The following MAL variants were observed in gnomAD, a reference collection of about 807,000 sequenced individuals.
MAL encodes mal, T cell differentiation protein (MAL blood group), also known as myelin and lymphocyte protein.
Under a neutral mutation model 16.7 loss-of-function variants are expected in MAL, and 5 were observed. The observed-to-expected ratio is 0.30, with a 90% CI of 0.16 to 0.63. MAL has a LOEUF of 0.63. Among genes scored for constraint, MAL ranks in the 30% least tolerant of loss-of-function variants. MAL has a pLI of 0.82. For synonymous variants in MAL, 96 were observed against 85.5 expected (o/e 1.12, Z -0.67); for missense variants, 202 against 195.8 (o/e 1.03, Z -0.19).
At chr2:95,052,520 G>A (rs146723187) in intron 3 of MAL, among the ~76,000 whole-genome samples, 2 of 152,346 alleles carry the variant, frequency 1.3e-5, no homozygotes, top group Non-Finnish European at 2.9e-5. Context: ...CACCCTGAGG[G>A]CTGGGATTGA....
rs576416734 is a variant in MAL, at chr2:95,051,363, A to G, written c.387+1657A>G. The G allele has an allele frequency of 5.9e-5, 9 of 152,374 alleles. No individual in the cohort carries two copies. In the East Asian group the frequency reaches 1.7e-3, roughly 29 times the overall value. The allele number at this position is 152,374 out of a possible 1,614,324, so 9.4% of individuals were successfully genotyped here. A position where few individuals can be genotyped will look rare whatever the true frequency, so the allele number is the denominator to read the frequency against. ...GAGCAAACTCCCCAGTGTAGTTGGCATCTGGACTAAGAATTAGGGCCTGAT... is the reference window on the plus strand; with the variant it reads ...GAGCAAACTCCCCAGTGTAGTTGGCGTCTGGACTAAGAATTAGGGCCTGAT... On this transcript the variant is annotated intron_variant, in intron 3 of 3. Coordinates refer to ENST00000309988, the MANE Select transcript of MAL (RefSeq NM_002371.4).
At chr2:95,048,319 C>T (rs1356915583) in intron 2 of MAL, among the ~76,000 whole-genome samples, 193 bp downstream of exon 2, 5 of 152,128 alleles carry the variant, frequency 3.3e-5, no homozygotes, top group African/African-American at 9.7e-5. Context: ...GCAAGGTCGC[C>T]GCTGCCAACC....
At chr2:95,041,324 C>A (rs1284828301) in intron 1 of MAL, among the ~76,000 whole-genome samples, 1 of 152,180 alleles carries the variant, frequency 6.6e-6, no homozygotes, top group Non-Finnish European at 1.5e-5. Context: ...GGGTCAGGCA[C>A]ATTTTTCTCA....
intron 1 of MAL, among the ~76,000 whole-genome samples, chr2:95,036,473 A>G (rs1674208994): frequency 6.6e-6 from 1 of 152,220 alleles, no homozygotes; most frequent in Non-Finnish European, 1.5e-5. Flanking sequence ...GGACTGTGGC[A>G]AGACTGCATG....
intron 1 of MAL, among the ~76,000 whole-genome samples, chr2:95,032,175 T>G (rs1341295555): frequency 6.6e-6 from 1 of 152,258 alleles, no homozygotes; most frequent in Non-Finnish European, 1.5e-5. Flanking sequence ...CCAGCAGCGC[T>G]CACACTCAGG....
chr2:95,037,928 GTGAGTGAGTGAGTAAC>G (rs1179564216), intron 1 of MAL, among the ~76,000 whole-genome samples: 3 of 149,486 alleles, frequency 2.0e-5, no homozygotes, highest in African/African-American at 4.9e-5. Context: ...GAGTGACTGA[GTGAGTGAGTGAGTAAC>G]TGAGTGAGTG....
intron 1 of MAL, among the ~76,000 whole-genome samples, chr2:95,028,873 A>G (rs1466615405): frequency 1.3e-5 from 2 of 152,208 alleles, no homozygotes; most frequent in Non-Finnish European, 2.9e-5. Flanking sequence ...ACAGAACACA[A>G]ACCCTGGTGG....
intron 1 of MAL, among the ~76,000 whole-genome samples, chr2:95,029,899 T>C (rs1674034508): frequency 6.6e-6 from 1 of 152,226 alleles, no homozygotes; most frequent in African/African-American, 2.4e-5. Flanking sequence ...TCCTCATCAC[T>C]TGGTAGCGTC....
chr2:95,039,188 G>T (rs1420132977), intron 1 of MAL, among the ~76,000 whole-genome samples: 1 of 144,586 alleles, frequency 6.9e-6, no homozygotes, highest in Admixed American at 6.8e-5. Context: ...TGGTGAGTGA[G>T]TGAGTGACTG....
chr2:95,051,550 C>T (rs1264308102), intron 3 of MAL: 1 of 152,218 alleles, frequency 6.6e-6, no homozygotes, highest in African/African-American at 2.4e-5. Context: ...TTTCTCTCAC[C>T]CTTGTGTTTG....
chr2:95,045,443 CTT>C (rs1674564674), intron 1 of MAL, among the ~76,000 whole-genome samples: 1 of 152,216 alleles, frequency 6.6e-6, no homozygotes, highest in African/African-American at 2.4e-5. Flanking sequence ...CTGGATGGGT[CTT>C]CTCCTGGTCC....
intron 1 of MAL, among the ~76,000 whole-genome samples, chr2:95,027,740 C>T (rs1673977743): frequency 6.6e-6 from 1 of 152,226 alleles, no homozygotes; most frequent in South Asian, 2.1e-4. Context: ...GAGACGGAGT[C>T]TCGCTCTGTC....
intron 3 of MAL, 33 bp downstream of exon 3, chr2:95,049,739 C>T (rs754426713): frequency 2.5e-5 from 40 of 1,612,118 alleles, no homozygotes; most frequent in African/African-American, 2.3e-4. Context: ...GTGTCCACAG[C>T]GGGCGGCTCC....
chr2:95,026,518 T>A (rs938335632), intron 1 of MAL: 1 of 11,932 alleles, frequency 8.4e-5, no homozygotes, highest in Admixed American at 1.0e-3. Context: ...GGGTGGGGGG[T>A]GGGGGGTGGC....
At chr2:95,034,521 C>T (rs1356100482) in intron 1 of MAL, among the ~76,000 whole-genome samples, 1 of 152,158 alleles carries the variant, frequency 6.6e-6, no homozygotes, top group African/African-American at 2.4e-5. Flanking sequence ...CTTTCAAAAG[C>T]GATTTGTCAT....
intron 2 of MAL, 118 bp from the exon 3 acceptor site, chr2:95,049,463 G>A (rs1674664018): frequency 7.6e-7 from 1 of 1,321,138 alleles, no homozygotes; most frequent in Non-Finnish European, 1.1e-6. Flanking sequence ...GGTTGGGAGG[G>A]GTGGGATTCA....
chr2:95,033,760 A>G (rs1674141857), intron 1 of MAL, among the ~76,000 whole-genome samples: 1 of 152,118 alleles, frequency 6.6e-6, no homozygotes. Flanking sequence ...TGTGGGTGAC[A>G]GAGTGAGAAC....
At chr2:95,052,629 G>A (rs1197277157) in intron 3 of MAL, among the ~76,000 whole-genome samples, 1 of 152,158 alleles carries the variant, frequency 6.6e-6, no homozygotes, top group Non-Finnish European at 1.5e-5. Context: ...AAAACCAGGT[G>A]CAGAGATTGG....
intron 1 of MAL, among the ~76,000 whole-genome samples, chr2:95,034,827 C>G (rs544108440): frequency 6.6e-6 from 1 of 152,302 alleles, no homozygotes; most frequent in East Asian, 1.9e-4. Flanking sequence ...TAACCCATCC[C>G]CTCCACCGGG....
Sources: allele counts gnomAD v4.1 joint callset (sites outside exome capture counted in the v4.1 genomes callset), GRCh38; gene constraint gnomAD v4.1.1; transcripts MANE v1.5; gene names NCBI Gene and HGNC (gene_info 2026-07-23, HGNC 2026-07-21).